The following FOXP2 variants were observed in gnomAD, a reference collection of about 807,000 sequenced individuals.
The protein encoded by FOXP2 is forkhead box protein P2.
FOXP2 carries 12 observed loss-of-function variants against 115.8 expected under a neutral mutation model. The ratio of observed to expected loss-of-function variants is 0.10; its 90% CI spans 0.07 to 0.17. The LOEUF (loss-of-function observed/expected upper bound fraction) is 0.17. Ranked by LOEUF, FOXP2 falls within the 10% of genes least tolerant of loss-of-function variation. The probability of loss-of-function intolerance (pLI) is 1.00; values close to 1 mark genes in which losing one functional copy is unlikely to be tolerated. For missense variants in FOXP2, 629 were observed against 843.5 expected (o/e 0.75, Z 3.15); for synonymous variants, 328 against 297.7 (o/e 1.10, Z -1.05).
chr7:114,613,468 G>A (rs1191316194), intron 3 of FOXP2, among the ~76,000 whole-genome samples: 1 of 152,082 alleles, frequency 6.6e-6, no homozygotes, highest in Non-Finnish European at 1.5e-5. Context: ...GAGGTCAGGA[G>A]ATTGAAACCA....
intron 1 of FOXP2, among the ~76,000 whole-genome samples, chr7:114,222,113 T>C (rs2129163928): frequency 6.6e-6 from 1 of 152,242 alleles, no homozygotes; most frequent in South Asian, 2.1e-4. Flanking sequence ...CACAGTATAG[T>C]TGTTTGATAG....
intron 16 of FOXP2, chr7:114,665,135 T>A (rs1483581717): frequency 6.6e-6 from 1 of 152,206 alleles, no homozygotes; most frequent in Non-Finnish European, 1.5e-5. Context: ...AATTGATGTA[T>A]TGTGGATTTC....
intron 1 of FOXP2, among the ~76,000 whole-genome samples, chr7:114,119,886 AT>A (rs1791512087): frequency 6.6e-6 from 1 of 152,116 alleles, no homozygotes; most frequent in Non-Finnish European, 1.5e-5. Flanking sequence ...GCCCCCAGAA[AT>A]TCTCATTCAG....
At chr7:114,180,760 A>G (rs1323627702) in intron 1 of FOXP2, among the ~76,000 whole-genome samples, 1 of 151,864 alleles carries the variant, frequency 6.6e-6, no homozygotes, top group African/African-American at 2.4e-5. Context: ...TTCAATCTCC[A>G]AAATAGATTC....
intron 2 of FOXP2, among the ~76,000 whole-genome samples, chr7:114,479,769 T>C (rs919314155): frequency 2.0e-5 from 3 of 151,560 alleles, no homozygotes; most frequent in African/African-American, 7.2e-5. Context: ...AGTAAATTTT[T>C]ATTGGAATAT....
intron 2 of FOXP2, among the ~76,000 whole-genome samples, chr7:114,515,696 T>A (rs1178901081): frequency 6.6e-6 from 1 of 152,056 alleles, no homozygotes; most frequent in Non-Finnish European, 1.5e-5. Context: ...GTAGTTTCTT[T>A]TGCTGTGCAG....
intron 1 of FOXP2, among the ~76,000 whole-genome samples, chr7:114,273,320 A>G (rs1221391557): frequency 6.6e-6 from 1 of 151,924 alleles, no homozygotes; most frequent in Non-Finnish European, 1.5e-5. Context: ...TTTGGATTCA[A>G]TTCTTTCAAA....
intron 2 of FOXP2, among the ~76,000 whole-genome samples, chr7:114,503,722 C>T (rs1328348235): frequency 6.6e-6 from 1 of 150,942 alleles, no homozygotes; most frequent in African/African-American, 2.4e-5. Context: ...ACTTTTTCCC[C>T]CAATCTGGAC....
At chr7:114,640,172 C>T (rs1346862086) in intron 6 of FOXP2, among the ~76,000 whole-genome samples, 1 of 152,154 alleles carries the variant, frequency 6.6e-6, no homozygotes, top group Non-Finnish European at 1.5e-5. Context: ...GGACACCTAA[C>T]ATACACCAAC....
chr7:114,103,477 A>G (rs1232869212), intron 1 of FOXP2, among the ~76,000 whole-genome samples: 1 of 152,032 alleles, frequency 6.6e-6, no homozygotes, highest in African/African-American at 2.4e-5. Flanking sequence ...TAGTCTGTGT[A>G]GAGGAATGTT....
intron 3 of FOXP2, among the ~76,000 whole-genome samples, chr7:114,568,788 T>C (rs1191365564): frequency 2.6e-5 from 4 of 151,890 alleles, no homozygotes; most frequent in African/African-American, 9.7e-5. Context: ...TTCCATAGTA[T>C]TTTTATTTAT....
chr7:114,526,418 A>G (rs1330879599), intron 2 of FOXP2, among the ~76,000 whole-genome samples: 2 of 148,584 alleles, frequency 1.3e-5, no homozygotes, highest in African/African-American at 4.9e-5. Context: ...CAGAGGTTGC[A>G]GTGGGCTGAG....
Position 114,690,713 on chromosome 7 carries a change from CT to C in FOXP2, c.*788del. ...TTACCTCCTTGTGATAAAGCTTTGT[CT>C]ACCTGCAAACACAGTCAAAGGCTAC... On this transcript the variant is annotated 3_prime_UTR_variant, in exon 17 of 17. Transcript: ENST00000350908. 1 of 454,466 alleles carries C rather than the reference CT, an allele frequency of 2.2e-6. No homozygotes were observed. The highest frequency in any genetic ancestry group is 4.4e-6 in the Non-Finnish European group (1 of 226,760). The allele number at this position is 454,466 out of a possible 1,614,324, so 28.2% of individuals were successfully genotyped here. A position where few individuals can be genotyped will look rare whatever the true frequency, so the allele number is the denominator to read the frequency against.
intron 2 of FOXP2, among the ~76,000 whole-genome samples, chr7:114,307,045 A>G (rs1455160206): frequency 1.3e-5 from 2 of 152,084 alleles, no homozygotes; most frequent in Non-Finnish European, 2.9e-5. Context: ...TTGCTATGTA[A>G]CATAACATTT....
intron 2 of FOXP2, among the ~76,000 whole-genome samples, chr7:114,404,815 GCCCTATCAGCTTGAACTGA>G (rs1222117618): frequency 6.6e-6 from 1 of 151,926 alleles, no homozygotes; most frequent in Non-Finnish European, 1.5e-5. Context: ...CATTTGAAGT[GCCCTATCAGCTTGAACTGA>G]CCAACTTCAG....
At chr7:114,537,651 G>A (rs973734766) in intron 3 of FOXP2, among the ~76,000 whole-genome samples, 1 of 151,478 alleles carries the variant, frequency 6.6e-6, no homozygotes, top group African/African-American at 2.4e-5. Context: ...GCTACAGATG[G>A]CATAGATATT....
chr7:114,499,400 C>T (rs1264512018), intron 2 of FOXP2: 1 of 152,446 alleles, frequency 6.6e-6, no homozygotes, highest in African/African-American at 2.4e-5. Flanking sequence ...TTTAAAAATA[C>T]TTAATTGGCT....
chr7:114,116,992 C>T (rs1326864745), intron 1 of FOXP2, among the ~76,000 whole-genome samples: 2 of 151,932 alleles, frequency 1.3e-5, no homozygotes, highest in African/African-American at 4.8e-5. Flanking sequence ...ATACATATAT[C>T]CAGAGTAGAT....
rs1793277084 is a variant in FOXP2 at position 114,415,096 on chromosome 7, C to T, written c.-275C>T. On this transcript the variant is annotated 5_prime_UTR_variant, in exon 1 of 17. Transcript: ENST00000350908. ...TTGTCCACGGACGCCAAAACAATCACAGAGCTGCTTGATTTGTTTTAATTA... is the reference window on the plus strand; with the variant it reads ...TTGTCCACGGACGCCAAAACAATCATAGAGCTGCTTGATTTGTTTTAATTA... 1 of 454,276 alleles carries T rather than the reference C, an allele frequency of 2.2e-6. No homozygotes were observed. The highest frequency in any genetic ancestry group is 2.4e-5 in the Admixed American group (1 of 42,540). 28.1% of individuals were successfully genotyped at this position (454,276 alleles called of 1,614,324 possible).
Sources: allele counts gnomAD v4.1 joint callset (sites outside exome capture counted in the v4.1 genomes callset), GRCh38; gene constraint gnomAD v4.1.1; transcripts MANE v1.5; gene names NCBI Gene and HGNC (gene_info 2026-07-23, HGNC 2026-07-21).